EML6: variants seen among roughly 807,000 people sequenced by gnomAD.
EML6 encodes echinoderm microtubule-associated protein-like 6.
EML6 carries 154 observed loss-of-function variants against 240.1 expected under a neutral mutation model. The observed-to-expected ratio is 0.64, with a 90% confidence interval of 0.56 to 0.73. The LOEUF (loss-of-function observed/expected upper bound fraction) is 0.73, where lower values mean the gene tolerates loss of function less well. EML6 is among the 30% of genes least tolerant of loss of function. The pLI is 0.00. For synonymous variants in EML6, 1,148 were observed against 899.0 expected, an observed-to-expected ratio of 1.28 and a Z score of -4.95; for missense variants, 2,964 against 2,474.6, an observed-to-expected ratio of 1.20 and a Z score of -4.20.
intron 2 of EML6, among the ~76,000 whole-genome samples, chr2:54,762,315 C>T (rs557783556): frequency 2.0e-5 from 3 of 152,252 alleles, no homozygotes; most frequent in East Asian, 1.9e-4. Flanking sequence ...GTGTCCTCCT[C>T]AGAACATCAC....
In EML6 at chr2:54,971,783, G is replaced by A. The variant is rs937411086; in HGVS notation, c.*1688G>A. The A allele has an allele frequency of 1.3e-5, 2 of 152,266 alleles. No homozygotes were observed. The highest frequency in any genetic ancestry group is 6.5e-5 in the Admixed American group (1 of 15,288). 9.4% of individuals were successfully genotyped at this position (152,266 alleles called of 1,614,324 possible). A position where few individuals can be genotyped will look rare whatever the true frequency, so the allele number is the denominator to read the frequency against. ...CTTGCATTGAAATAACCATGTGGAA[G>A]AACAATGAATCGATTAATGATGACA... On this transcript the variant is annotated 3_prime_UTR_variant, in exon 42 of 42. Transcript: ENST00000356458.
chr2:54,856,212 A>T (rs937336550), intron 11 of EML6, among the ~76,000 whole-genome samples: 4 of 152,230 alleles, frequency 2.6e-5, no homozygotes, highest in African/African-American at 9.7e-5. Context: ...ATCAATACTG[A>T]CAGCTTTCCC....
At chr2:54,833,230 A>ACCTGTAAAGACTTCTGTTGCTCCT (rs1442918994) in intron 7 of EML6, among the ~76,000 whole-genome samples, 1 of 152,228 alleles carries the variant, frequency 6.6e-6, no homozygotes, top group Non-Finnish European at 1.5e-5. Flanking sequence ...TTAGTGTGCC[A>ACCTGTAAAGACTTCTGTTGCTCCT]CCTGTAAAGA....
At chr2:54,888,214 A>G (rs1482491764) in intron 17 of EML6, among the ~76,000 whole-genome samples, 1 of 152,188 alleles carries the variant, frequency 6.6e-6, no homozygotes, top group Non-Finnish European at 1.5e-5. Flanking sequence ...ATTGGATCTT[A>G]TAATGCAGTG....
chr2:54,961,241 G>A (rs1268311405), intron 35 of EML6, among the ~76,000 whole-genome samples: 2 of 123,042 alleles, frequency 1.6e-5, no homozygotes, highest in African/African-American at 3.1e-5. Flanking sequence ...GGGGAGTACT[G>A]TGGCATGATC....
At chr2:54,848,446 C>G (rs1265197673) in intron 9 of EML6, among the ~76,000 whole-genome samples, 1 of 151,446 alleles carries the variant, frequency 6.6e-6, no homozygotes, top group Non-Finnish European at 1.5e-5. Flanking sequence ...GCAACATTTT[C>G]TTTCTCTGCT....
At chr2:54,889,158 A>G (rs1447940972) in intron 17 of EML6, among the ~76,000 whole-genome samples, 2 of 152,144 alleles carry the variant, frequency 1.3e-5, no homozygotes, top group African/African-American at 4.8e-5. Flanking sequence ...TTTGTCAGTC[A>G]ACTCATACAC....
chr2:54,828,636 TTAAAA>T (rs910707228), intron 6 of EML6, among the ~76,000 whole-genome samples: 2 of 152,188 alleles, frequency 1.3e-5, no homozygotes, highest in Admixed American at 6.5e-5. Flanking sequence ...GAAACAGCTC[TTAAAA>T]TAATAGGTCA....
chr2:54,780,861 T>C (rs906951375), intron 2 of EML6, among the ~76,000 whole-genome samples: 2 of 152,224 alleles, frequency 1.3e-5, no homozygotes, highest in Non-Finnish European at 2.9e-5. Context: ...GTATAATAGA[T>C]GGTTCATTCT....
At chr2:54,835,836 C>T (rs562756898) in intron 7 of EML6, among the ~76,000 whole-genome samples, 15 of 152,238 alleles carry the variant, frequency 9.9e-5, no homozygotes, top group Admixed American at 2.0e-4. Context: ...AGGAGAGCCA[C>T]CACAACAAAG....
chr2:54,862,418 A>T (rs916221548), intron 12 of EML6, among the ~76,000 whole-genome samples: 1 of 151,530 alleles, frequency 6.6e-6, no homozygotes, highest in Non-Finnish European at 1.5e-5. Context: ...GAGAGGTTCA[A>T]CAGCAGACTA....
intron 26 of EML6, among the ~76,000 whole-genome samples, chr2:54,927,525 G>A (rs1034354811): frequency 2.0e-5 from 3 of 152,162 alleles, no homozygotes; most frequent in Non-Finnish European, 4.4e-5. Flanking sequence ...AATGGCTCCC[G>A]CTGCAGCTGT....
intron 2 of EML6, among the ~76,000 whole-genome samples, chr2:54,769,927 A>G (rs1668339810): frequency 6.6e-6 from 1 of 152,146 alleles, no homozygotes; most frequent in South Asian, 2.1e-4. Context: ...GCCACTATAA[A>G]TTTTATATAG....
chr2:54,872,831 T>C (rs1467971146), intron 16 of EML6, among the ~76,000 whole-genome samples: 1 of 152,224 alleles, frequency 6.6e-6, no homozygotes, highest in Non-Finnish European at 1.5e-5. Context: ...CTCTTCCAAC[T>C]TTACAGGGAG....
intron 2 of EML6, among the ~76,000 whole-genome samples, chr2:54,730,616 C>T (rs768783526): frequency 2.0e-5 from 3 of 152,166 alleles, no homozygotes; most frequent in Non-Finnish European, 4.4e-5. Context: ...TCAATGGTAC[C>T]ATCCTACTGC....
intron 24 of EML6, among the ~76,000 whole-genome samples, chr2:54,910,626 AG>A (rs1429997521): frequency 6.6e-6 from 1 of 151,078 alleles, no homozygotes; most frequent in African/African-American, 2.5e-5. Flanking sequence ...TGGGAAAAAC[AG>A]GGGGAAAACT....
At chr2:54,941,882 G>A (rs1294055550) in intron 28 of EML6, among the ~76,000 whole-genome samples, 2 of 152,234 alleles carry the variant, frequency 1.3e-5, no homozygotes, top group East Asian at 3.8e-4. Flanking sequence ...CAGCGAGCAG[G>A]TAGAAATGCA....
intron 26 of EML6, among the ~76,000 whole-genome samples, chr2:54,917,976 G>C (rs1017647294): frequency 9.2e-5 from 14 of 152,170 alleles, no homozygotes; most frequent in African/African-American, 3.4e-4. Flanking sequence ...TTTTACACTT[G>C]TGTTAAATCA....
At chr2:54,790,724 C>CT (rs368684488) in intron 2 of EML6, among the ~76,000 whole-genome samples, 30,915 of 123,214 alleles carry the variant, frequency 0.25, 4,681 homozygotes, top group East Asian at 0.45. Context: ...CTTAATTTTC[C>CT]TTTTTTTTTT....
Sources: gnomAD v4.1 joint callset for allele counts (sites outside exome capture counted in the v4.1 genomes callset) on GRCh38, gnomAD v4.1.1 for gene constraint, MANE v1.5 for transcripts, NCBI Gene and HGNC (gene_info 2026-07-23, HGNC 2026-07-21) for gene names.